The following SOX5 variants were observed in gnomAD, a reference collection of about 807,000 sequenced individuals.
The protein encoded by SOX5 is transcription factor SOX-5.
In SOX5, 9 loss-of-function variants were observed where a neutral mutation model predicts 92.0. The ratio of observed to expected loss-of-function variants is 0.10; its 90% CI spans 0.06 to 0.17. SOX5 has a LOEUF of 0.17. Ranked by LOEUF, SOX5 falls within the 10% of genes least tolerant of loss-of-function variation. The probability of loss-of-function intolerance (pLI) is 1.00; values close to 1 mark genes in which losing one functional copy is unlikely to be tolerated. For synonymous variants in SOX5, 344 were observed against 336.3 expected (o/e 1.02, Z -0.25); for missense variants, 642 against 944.5 (o/e 0.68, Z 4.20).
chr12:24,025,085 G>T (rs1954735745), intron 4 of SOX5, among the ~76,000 whole-genome samples: 1 of 151,972 alleles, frequency 6.6e-6, no homozygotes, highest in Admixed American at 6.6e-5. Context: ...AAAGAAACCT[G>T]TAGAAAATAC....
At chr12:24,222,685 G>C (rs1034974295) in intron 3 of SOX5, among the ~76,000 whole-genome samples, 3 of 152,054 alleles carry the variant, frequency 2.0e-5, no homozygotes, top group Non-Finnish European at 1.5e-5. Flanking sequence ...GTTTTGGGAG[G>C]GGATAGGATT....
chr12:23,969,853 G>A (rs1241502880), intron 4 of SOX5, among the ~76,000 whole-genome samples: 4 of 152,202 alleles, frequency 2.6e-5, no homozygotes, highest in Non-Finnish European at 5.9e-5. Flanking sequence ...GTATGATTCA[G>A]GATTGCATTC....
chr12:23,652,894 G>A (rs749548915), intron 7 of SOX5, among the ~76,000 whole-genome samples: 22 of 152,026 alleles, frequency 1.4e-4, no homozygotes, highest in Non-Finnish European at 3.2e-4. Flanking sequence ...TGTATTTGAA[G>A]TATAGTAAGT....
intron 3 of SOX5, chr12:24,223,206 A>T (rs967835626): frequency 4.6e-5 from 7 of 152,236 alleles, no homozygotes; most frequent in African/African-American, 1.7e-4. Context: ...GCTAGGAGGA[A>T]GTGGCTGATT....
intron 5 of SOX5, among the ~76,000 whole-genome samples, chr12:23,738,232 T>C (rs946432475): frequency 1.3e-5 from 2 of 152,174 alleles, no homozygotes; most frequent in African/African-American, 2.4e-5. Context: ...TTAGAATACA[T>C]AGAATGGGGA....
At chr12:23,898,641 T>G (rs2097201041) in intron 1 of SOX5, among the ~76,000 whole-genome samples, 1 of 152,248 alleles carries the variant, frequency 6.6e-6, no homozygotes, top group Admixed American at 6.5e-5. Context: ...TAAATTAACT[T>G]TCTATTTAAC....
At chr12:24,402,907 A>G (rs940349134) in intron 1 of SOX5, among the ~76,000 whole-genome samples, 1 of 152,148 alleles carries the variant, frequency 6.6e-6, no homozygotes, top group Non-Finnish European at 1.5e-5. Flanking sequence ...AAAGCTTGTA[A>G]CTTCTAATCC....
intron 13 of SOX5, among the ~76,000 whole-genome samples, chr12:23,537,563 C>G (rs1322659521): frequency 6.6e-6 from 1 of 152,134 alleles, no homozygotes; most frequent in African/African-American, 2.4e-5. Context: ...CAATAACATA[C>G]AAAGACGTCA....
At chr12:23,939,084 G>A (rs1943140131) in intron 1 of SOX5, among the ~76,000 whole-genome samples, 1 of 150,670 alleles carries the variant, frequency 6.6e-6, no homozygotes, top group South Asian at 2.1e-4. Flanking sequence ...TTGCATTGGG[G>A]GATAAATAAT....
At chr12:24,346,134 G>T (rs749948146) in intron 2 of SOX5, among the ~76,000 whole-genome samples, 9 of 152,162 alleles carry the variant, frequency 5.9e-5, no homozygotes, top group Non-Finnish European at 1.0e-4. Flanking sequence ...TCTAGATTCA[G>T]GTCCTTTTAT....
intron 6 of SOX5, among the ~76,000 whole-genome samples, chr12:23,666,503 C>CT (rs1016083381): frequency 5.3e-5 from 8 of 152,072 alleles, no homozygotes; most frequent in South Asian, 2.1e-4. Context: ...AACTAAAATA[C>CT]TTTTTTTGAA....
At chr12:24,084,922 T>C (rs77636739) in intron 4 of SOX5, among the ~76,000 whole-genome samples, 1,982 of 152,244 alleles carry the variant, frequency 0.013, 30 homozygotes, top group African/African-American at 0.044. Context: ...CAGAAACCTT[T>C]AAGTGATTAT....
intron 9 of SOX5, among the ~76,000 whole-genome samples, chr12:23,597,682 ATTC>A (rs1232397815): frequency 2.6e-5 from 4 of 152,228 alleles, no homozygotes; most frequent in Non-Finnish European, 5.9e-5. Flanking sequence ...CTATGGGGTG[ATTC>A]TTCTTAGATG....
chr12:23,623,465 C>G (rs2077416079), intron 8 of SOX5, among the ~76,000 whole-genome samples: 1 of 152,042 alleles, frequency 6.6e-6, no homozygotes, highest in Non-Finnish European at 1.5e-5. Context: ...CCCCAAGTAG[C>G]AAATCTAGTG....
intron 4 of SOX5, among the ~76,000 whole-genome samples, chr12:24,122,667 T>C (rs1223606972): frequency 6.6e-6 from 1 of 152,176 alleles, no homozygotes; most frequent in Non-Finnish European, 1.5e-5. Flanking sequence ...TGTAGCTTTA[T>C]TGAATATTTA....
At chr12:23,582,953 A>G (rs1206738178) in intron 9 of SOX5, among the ~76,000 whole-genome samples, 3 of 151,976 alleles carry the variant, frequency 2.0e-5, no homozygotes, top group Non-Finnish European at 4.4e-5. Flanking sequence ...ATTTTCCCTT[A>G]GTATCTTAAT....
chr12:24,312,830 T>C (rs1304212099), intron 2 of SOX5, among the ~76,000 whole-genome samples: 3 of 152,220 alleles, frequency 2.0e-5, no homozygotes, highest in Non-Finnish European at 2.9e-5. Flanking sequence ...TTTAAAGACC[T>C]GCAACCTTCT....
intron 2 of SOX5, among the ~76,000 whole-genome samples, chr12:23,884,806 T>C (rs1195381052): frequency 6.6e-6 from 1 of 152,194 alleles, no homozygotes. Flanking sequence ...ACTGGGTTAA[T>C]ATACGATTGG....
chr12:24,310,513 G>A (rs1164182167), intron 2 of SOX5, among the ~76,000 whole-genome samples: 2 of 152,028 alleles, frequency 1.3e-5, no homozygotes, highest in East Asian at 1.9e-4. Flanking sequence ...CCTGTCCCCA[G>A]GATATTTGTG....
Sources: gnomAD v4.1 joint callset for allele counts (sites outside exome capture counted in the v4.1 genomes callset) on GRCh38, gnomAD v4.1.1 for gene constraint, MANE v1.5 for transcripts, NCBI Gene and HGNC (gene_info 2026-07-23, HGNC 2026-07-21) for gene names.